Variants in USP9X observed in about 807,000 individuals in gnomAD.
USP9X encodes ubiquitin carboxyl-terminal hydrolase 9X.
A neutral mutation model predicts 190.3 loss-of-function variants in USP9X; 7 were observed. The ratio of observed to expected loss-of-function variants is 0.04; its 90% CI spans 0.02 to 0.07. The LOEUF (loss-of-function observed/expected upper bound fraction) is 0.07. Among genes scored for constraint, USP9X ranks in the 10% least tolerant of loss-of-function variants. The pLI, the probability that USP9X is intolerant of heterozygous loss-of-function variation, is 1.00. For missense variants in USP9X, 1,010 were observed against 1,916.9 expected (o/e 0.53, Z 8.83); for synonymous variants, 645 against 659.5 (o/e 0.98, Z 0.34).
At chrX:41,174,824 G>A (rs1340321449) in intron 21 of USP9X, among the ~76,000 whole-genome samples, 1 of 110,861 alleles carries the variant, frequency 9.0e-6, no homozygotes, top group East Asian at 2.8e-4. Flanking sequence ...GCATAACCCC[G>A]TCTCTACTAA....
chrX:41,172,341 C>T (rs1470636281), intron 21 of USP9X, among the ~76,000 whole-genome samples: 1 of 111,992 alleles, frequency 8.9e-6, no homozygotes, highest in East Asian at 2.8e-4. Context: ...GCTTAACTTT[C>T]CTGGCCCTTT....
chrX:41,146,617 CAAT>C (rs2062465499), intron 11 of USP9X, among the ~76,000 whole-genome samples: 2 of 101,643 alleles, frequency 2.0e-5, no homozygotes, highest in African/African-American at 3.6e-5. Context: ...ATCCCTTGAT[CAAT>C]AATGAGATTG....
At chrX:41,101,647 CGACTGAGCA>C (rs1183936441) in intron 1 of USP9X, among the ~76,000 whole-genome samples, 7 of 109,531 alleles carry the variant, frequency 6.4e-5, no homozygotes, top group Admixed American at 2.0e-4. Context: ...CCAGCCTGGG[CGACTGAGCA>C]AGACTCCGTC....
Position 41,184,671 on chromosome X carries a change from C to T in USP9X, c.3554C>T (p.Thr1185Ile). The T allele has an allele frequency of 3.3e-6, 4 of 1,207,218 alleles. No homozygotes were observed. Among genetic ancestry groups the T allele is most frequent in the Non-Finnish European group, 4.5e-6 (4 of 892,439 alleles). ...QPGVEGVNPM[T>I]QINQVTHDQA... ...GGTGTAGAAGGTGTGAATCCCATGA[C>T]ACAGGTAATACAGACTTTTTAAAAA... Residue 1185 changes from threonine (T) to isoleucine (I), a missense_variant, in exon 23 of 45, where the codon ACA becomes ATA. Thr to Ile is a moderately conservative substitution (Grantham distance 89). Transcript: ENST00000378308.
At chrX:41,086,949 G>A (rs1418278852) in intron 1 of USP9X, among the ~76,000 whole-genome samples, 3 of 112,753 alleles carry the variant, frequency 2.7e-5, no homozygotes, top group Admixed American at 9.3e-5. Flanking sequence ...GAGTTATACA[G>A]CAGGTGTGTA....
At chrX:41,189,176 A>T in intron 25 of USP9X, 133 bp from the exon 26 acceptor site, 1 of 526,751 alleles carries the variant, frequency 1.9e-6, no homozygotes. Flanking sequence ...CTCAAGAGTT[A>T]ACATGCAGCC....
chrX:41,205,038 T>G (rs942661141), intron 31 of USP9X: 5 of 211,470 alleles, frequency 2.4e-5, no homozygotes, highest in Middle Eastern at 1.5e-3. Context: ...GAGCCTGCAT[T>G]TATGTCTAGT....
intron 1 of USP9X, among the ~76,000 whole-genome samples, chrX:41,118,705 A>G (rs2062168632): frequency 8.9e-6 from 1 of 111,732 alleles, no homozygotes; most frequent in Non-Finnish European, 1.9e-5. Flanking sequence ...ACAGACTCCC[A>G]GGTGGTGCTG....
intron 18 of USP9X, among the ~76,000 whole-genome samples, chrX:41,169,554 A>G (rs1278569034): frequency 1.8e-5 from 2 of 110,979 alleles, no homozygotes; most frequent in Non-Finnish European, 3.8e-5. Flanking sequence ...TCCCAGGTTC[A>G]AGCGATTCTC....
intron 17 of USP9X, among the ~76,000 whole-genome samples, 194 bp downstream of exon 17, chrX:41,167,771 C>T (rs933965736): frequency 8.9e-6 from 1 of 112,009 alleles, no homozygotes; most frequent in African/African-American, 3.2e-5. Flanking sequence ...CATTTTGATG[C>T]TAACACCTAA....
intron 24 of USP9X, 73 bp downstream of exon 24, chrX:41,186,715 TATAG>T: frequency 1.8e-6 from 2 of 1,087,477 alleles, no homozygotes; most frequent in Non-Finnish European, 2.5e-6. Context: ...TGTCTCATTC[TATAG>T]ATAATGTCCC....
chrX:41,108,817 G>A (rs1237042881), intron 1 of USP9X, among the ~76,000 whole-genome samples: 1 of 111,262 alleles, frequency 9.0e-6, no homozygotes, highest in Non-Finnish European at 1.9e-5. Flanking sequence ...TGAGTGAGGT[G>A]GGGTGGGGGC....
chrX:41,146,541 G>A (rs1204557451), intron 11 of USP9X, among the ~76,000 whole-genome samples: 4 of 110,682 alleles, frequency 3.6e-5, no homozygotes, highest in Non-Finnish European at 7.6e-5. Context: ...TCAGAGTTCT[G>A]AATTTTTGAC....
chrX:41,125,684 A>ACTCTCTCTCTCTCTCTCTCTCTCT (rs1555918325), intron 2 of USP9X, among the ~76,000 whole-genome samples: 1 of 19,025 alleles, frequency 5.3e-5, no homozygotes, highest in African/African-American at 2.2e-4. Flanking sequence ...ACACACACAC[A>ACTCTCTCTCTCTCTCTCTCTCTCT]CTCTCTCTCT....
intron 1 of USP9X, among the ~76,000 whole-genome samples, chrX:41,091,673 C>A (rs921876038): frequency 8.9e-6 from 1 of 111,759 alleles, no homozygotes; most frequent in African/African-American, 3.3e-5. Flanking sequence ...AATCTCATTA[C>A]AATGAGAAAT....
rs142427488 is a variant in USP9X at position 41,107,907 on chromosome X, A to G, written c.-158-15564A>G. Among the ~76,000 whole-genome samples, 22 of 111,803 alleles carry G rather than the reference A, an allele frequency of 2.0e-4. No individual in the cohort carries two copies. The East Asian group carries it at 6.2e-3, about 31-fold the overall frequency. ...ATTGTCATATTTTACTTCTTTAAGCATGGTTTCCTTTAGTTCATTGAACAT... is the reference window on the plus strand; with the variant it reads ...ATTGTCATATTTTACTTCTTTAAGCGTGGTTTCCTTTAGTTCATTGAACAT... On this transcript the variant is annotated intron_variant, in intron 1 of 44. Transcript: ENST00000378308.
intron 6 of USP9X, among the ~76,000 whole-genome samples, chrX:41,138,183 A>G (rs776130596): frequency 1.8e-5 from 2 of 111,848 alleles, no homozygotes; most frequent in Non-Finnish European, 3.8e-5. Flanking sequence ...AGTAAGAGAA[A>G]TTTTATCATA....
intron 22 of USP9X, 94 bp downstream of exon 22, chrX:41,184,222 G>A (rs1166544555): frequency 2.9e-6 from 3 of 1,036,220 alleles, no homozygotes; most frequent in Admixed American, 6.3e-5. Context: ...CATATGGTAA[G>A]GTGAATGATT....
chrX:41,185,823 C>T (rs944801301), intron 23 of USP9X, among the ~76,000 whole-genome samples: 5 of 111,156 alleles, frequency 4.5e-5, no homozygotes, highest in Non-Finnish European at 9.4e-5. Flanking sequence ...GAATGTGCCA[C>T]TATGGATACA....
Sources: allele counts gnomAD v4.1 joint callset (sites outside exome capture counted in the v4.1 genomes callset), GRCh38; gene constraint gnomAD v4.1.1; transcripts MANE v1.5; gene names NCBI Gene and HGNC (gene_info 2026-07-23, HGNC 2026-07-21).